The following CAP2 variants were observed in gnomAD, a reference collection of about 807,000 sequenced individuals.
CAP2 encodes adenylyl cyclase-associated protein 2.
A neutral mutation model predicts 57.7 loss-of-function variants in CAP2; 24 were observed. That is an observed-to-expected ratio of 0.42 (90% CI 0.30 to 0.58). The LOEUF is 0.58. Among genes scored for constraint, CAP2 ranks in the 20% least tolerant of loss-of-function variants. The pLI is 0.22. For missense variants in CAP2, 501 were observed against 590.3 expected (o/e 0.85, Z 1.57); for synonymous variants, 194 against 207.2 (o/e 0.94, Z 0.55).
intron 1 of CAP2, among the ~76,000 whole-genome samples, chr6:17,407,261 A>C (rs146616874): frequency 9.8e-4 from 149 of 152,300 alleles, no homozygotes; most frequent in African/African-American, 2.5e-3. Context: ...AAAAGGAAGA[A>C]CCTGTAGTTT....
At chr6:17,426,801 T>G (rs1264911756) in intron 3 of CAP2, 111 bp downstream of exon 3, 1 of 736,874 alleles carries the variant, frequency 1.4e-6, no homozygotes, top group African/African-American at 1.8e-5. Context: ...GTTTTTACTC[T>G]GGCTAGGCAG....
intron 4 of CAP2, among the ~76,000 whole-genome samples, chr6:17,479,366 C>G (rs1761230541): frequency 6.6e-6 from 1 of 152,162 alleles, no homozygotes; most frequent in African/African-American, 2.4e-5. Context: ...CGCCTCACAT[C>G]CAGCTGATCT....
rs562191454 is a variant in CAP2, at chr6:17,496,027, TGGGG to T, written c.301-11133_301-11130del. ...CAACTGCTGTGCATGCGTGTGTGGG[TGGGG>T]GGGGGGGGTAAGTCAGGGAAAACAG... On this transcript the variant is annotated intron_variant, in intron 4 of 12. Transcript: ENST00000229922. 1.9e-3 allele frequency among the ~76,000 whole-genome samples: 82 copies of T among 44,314 alleles called. 6 individuals are homozygous for T. Among genetic ancestry groups the T allele is most frequent in the Non-Finnish European group, 2.7e-3 (71 of 26,186 alleles). 29.1% of individuals were successfully genotyped at this position (44,314 alleles called of 152,430 possible). A position where few individuals can be genotyped will look rare whatever the true frequency, so the allele number is the denominator to read the frequency against.
chr6:17,520,311 C>T (rs1206771226), intron 7 of CAP2, among the ~76,000 whole-genome samples: 10 of 152,008 alleles, frequency 6.6e-5, no homozygotes, highest in African/African-American at 1.9e-4. Flanking sequence ...GATTTCACCA[C>T]GTTGCCCAGG....
At chr6:17,424,100 C>A (rs938578712) in intron 2 of CAP2, among the ~76,000 whole-genome samples, 14 of 151,970 alleles carry the variant, frequency 9.2e-5, no homozygotes, top group Admixed American at 2.0e-4. Flanking sequence ...TTAAAAGAAA[C>A]TTGAAAATGT....
At chr6:17,440,459 T>G (rs1387893391) in intron 3 of CAP2, among the ~76,000 whole-genome samples, 1 of 151,630 alleles carries the variant, frequency 6.6e-6, no homozygotes, top group Admixed American at 6.6e-5. Context: ...CAAGTAGTAA[T>G]TACTGACCTC....
chr6:17,537,516 T>C (rs532496134), intron 7 of CAP2, among the ~76,000 whole-genome samples: 10 of 152,204 alleles, frequency 6.6e-5, no homozygotes, highest in Non-Finnish European at 1.5e-4. Context: ...TGTTTTGTTT[T>C]GTTTTTAACT....
At chr6:17,397,325 A>G (rs1224726995) in intron 1 of CAP2, among the ~76,000 whole-genome samples, 2 of 151,924 alleles carry the variant, frequency 1.3e-5, no homozygotes. Flanking sequence ...CTCCCAAAGT[A>G]CTGGGATTAC....
chr6:17,496,029 G>GCGGGGC (rs1554127011), intron 4 of CAP2, among the ~76,000 whole-genome samples: 1,265 of 125,820 alleles, frequency 0.01, 79 homozygotes, highest in African/African-American at 0.036. Flanking sequence ...TGTGTGGGTG[G>GCGGGGC]GGGGGGGGGG....
chr6:17,548,809 A>G (rs1002041148), intron 11 of CAP2, among the ~76,000 whole-genome samples: 40 of 152,264 alleles, frequency 2.6e-4, no homozygotes, highest in Admixed American at 8.5e-4. Flanking sequence ...AGATGCATAG[A>G]TGGAAATTTG....
At chr6:17,412,281 C>T (rs935273859) in intron 1 of CAP2, among the ~76,000 whole-genome samples, 3 of 152,142 alleles carry the variant, frequency 2.0e-5, no homozygotes, top group Non-Finnish European at 2.9e-5. Flanking sequence ...GCCTTGAGGA[C>T]GCAGTCTGTG....
At chr6:17,521,108 A>G (rs1332029881) in intron 7 of CAP2, among the ~76,000 whole-genome samples, 1 of 152,184 alleles carries the variant, frequency 6.6e-6, no homozygotes, top group Non-Finnish European at 1.5e-5. Context: ...ACATTGCTCA[A>G]CAGGGGTTAG....
chr6:17,509,953 A>T (rs1436208800), intron 6 of CAP2, among the ~76,000 whole-genome samples: 1 of 152,124 alleles, frequency 6.6e-6, no homozygotes, highest in Admixed American at 6.5e-5. Flanking sequence ...AACCTTGAAA[A>T]TATTGTGCTA....
At chr6:17,509,775 G>T (rs1275777496) in intron 6 of CAP2, among the ~76,000 whole-genome samples, 1 of 151,872 alleles carries the variant, frequency 6.6e-6, no homozygotes, top group Non-Finnish European at 1.5e-5. Context: ...AATATTCATT[G>T]CAGCATTATT....
At chr6:17,552,449 G>A (rs2113712566) in intron 12 of CAP2, among the ~76,000 whole-genome samples, 1 of 152,206 alleles carries the variant, frequency 6.6e-6, no homozygotes, top group East Asian at 1.9e-4. Context: ...AGGAGTTTGA[G>A]ACCAGCCTGG....
At chr6:17,451,011 A>G (rs911209752) in intron 3 of CAP2, among the ~76,000 whole-genome samples, 5 of 152,136 alleles carry the variant, frequency 3.3e-5, no homozygotes, top group Admixed American at 3.3e-4. Context: ...GTGGAGTGTG[A>G]CATTACTGCT....
At chr6:17,538,340 C>G (rs1363388823) in intron 7 of CAP2, among the ~76,000 whole-genome samples, 1 of 151,812 alleles carries the variant, frequency 6.6e-6, no homozygotes, top group Non-Finnish European at 1.5e-5. Context: ...CCTGTTGTCC[C>G]AGCTATTCAG....
intron 4 of CAP2, among the ~76,000 whole-genome samples, chr6:17,496,037 G>GGGCGGT (rs1204207554): frequency 7.6e-6 from 1 of 132,218 alleles, no homozygotes; most frequent in African/African-American, 2.8e-5. Context: ...TGGGGGGGGG[G>GGGCGGT]GGTAAGTCAG....
At chr6:17,502,868 T>A (rs1431417853) in intron 4 of CAP2, among the ~76,000 whole-genome samples, 5 of 152,240 alleles carry the variant, frequency 3.3e-5, no homozygotes, top group Non-Finnish European at 4.4e-5. Context: ...TTAGTAGTTC[T>A]GCCATCATTA....
Sources: gnomAD v4.1 joint callset for allele counts (sites outside exome capture counted in the v4.1 genomes callset) on GRCh38, gnomAD v4.1.1 for gene constraint, MANE v1.5 for transcripts, NCBI Gene and HGNC (gene_info 2026-07-23, HGNC 2026-07-21) for gene names.